Variants in CCDC80 observed in about 807,000 individuals in gnomAD.
CCDC80 encodes the protein coiled-coil domain containing 80, also known as coiled-coil domain-containing protein 80.
Under a neutral mutation model 78.7 loss-of-function variants are expected in CCDC80, and 49 were observed. That is an observed-to-expected ratio of 0.62 (90% CI 0.50 to 0.79). The LOEUF (loss-of-function observed/expected upper bound fraction) is 0.79. Among genes scored for constraint, CCDC80 ranks in the 30% least tolerant of loss-of-function variants. The pLI is 0.00. For missense variants in CCDC80, 1,205 were observed against 1,198.6 expected, an observed-to-expected ratio of 1.01 and a Z score of -0.08; for synonymous variants, 488 against 447.0, an observed-to-expected ratio of 1.09 and a Z score of -1.16.
intron 7 of CCDC80, among the ~76,000 whole-genome samples, chr3:112,606,836 A>G (rs910961926): frequency 5.3e-5 from 8 of 152,140 alleles, no homozygotes; most frequent in African/African-American, 1.9e-4. Context: ...TCACAAAACT[A>G]TTGTGAGAAT....
chr3:112,622,032 G>A (rs997581859), intron 3 of CCDC80, among the ~76,000 whole-genome samples: 3 of 152,192 alleles, frequency 2.0e-5, no homozygotes, highest in African/African-American at 7.2e-5. Context: ...GAGAGGAGGA[G>A]TGACTTGCTC....
chr3:112,630,978 T>C (rs936642133), intron 2 of CCDC80, among the ~76,000 whole-genome samples: 63 of 152,094 alleles, frequency 4.1e-4, no homozygotes, highest in African/African-American at 1.0e-3. Context: ...TAGCCCTCTG[T>C]CTTTCATCCT....
At chr3:112,607,052 A>G (rs1935528508) in intron 7 of CCDC80, 124 bp downstream of exon 7, 2 of 650,194 alleles carry the variant, frequency 3.1e-6, no homozygotes. Context: ...AAATGCATGA[A>G]GTGGGAGGAG....
chr3:112,633,114 A>T (rs1235984449), intron 2 of CCDC80, among the ~76,000 whole-genome samples: 2 of 152,140 alleles, frequency 1.3e-5, no homozygotes, highest in Non-Finnish European at 2.9e-5. Flanking sequence ...CAACCTCATC[A>T]CGTTGTGAGA....
At chr3:112,610,142 A>C (rs997006407) in intron 5 of CCDC80, 61 bp from the exon 6 acceptor site, 2 of 1,424,180 alleles carry the variant, frequency 1.4e-6, no homozygotes, top group African/African-American at 2.8e-5. Flanking sequence ...AAACCAATGT[A>C]GGAAACCAGA....
intron 3 of CCDC80, among the ~76,000 whole-genome samples, chr3:112,619,353 A>G (rs1427179146): frequency 1.3e-5 from 2 of 152,234 alleles, no homozygotes; most frequent in Non-Finnish European, 2.9e-5. Flanking sequence ...TGTTCACAGC[A>G]AACAGGAACA....
At chr3:112,615,150 C>G (rs1039595374) in intron 5 of CCDC80, among the ~76,000 whole-genome samples, 1 of 152,152 alleles carries the variant, frequency 6.6e-6, no homozygotes, top group Non-Finnish European at 1.5e-5. Flanking sequence ...AGACTCAAAA[C>G]TTGGATGAAT....
At position 112,615,605 on chromosome 3, in the gene CCDC80, A is replaced by C. The variant is rs904579150; in HGVS notation, c.2321+1105T>G. ...GCTGGGTAAAATGAGGCTAAAATCT[A>C]CTGGGCTGCATTTCCAGACGATTAA... On this transcript the variant is annotated intron_variant, in intron 5 of 7. Coordinates refer to ENST00000206423, the MANE Select transcript of CCDC80 (RefSeq NM_199511.3). Among the ~76,000 whole-genome samples the C allele has an allele frequency of 4.6e-5, 7 of 152,196 alleles. 1 individual carries two copies. The highest frequency in any genetic ancestry group is 1.7e-4 in the African/African-American group (7 of 41,452).
chr3:112,638,845 G>A lies in CCDC80; in HGVS notation c.1061C>T (p.Pro354Leu), dbSNP rs1422755182. ...AGTCACTGTTGTGGCTGGGGCAGGA[G>A]GAAGGGTGGTGGCTCTGGGGGTTGA... ...PPSTPRATTL[P>L]PAPATTVTRS... Residue 354 changes from proline (P) to leucine (L), a missense_variant, in exon 2 of 8, where the codon CCT becomes CTT. Physicochemically the swap from Pro to Leu is moderately conservative, Grantham distance 98. Transcript: ENST00000206423. 1.2e-6 allele frequency: 2 copies of A among 1,613,854 alleles called. No homozygotes were observed. Among genetic ancestry groups the A allele is most frequent in the Non-Finnish European group, 1.7e-6 (2 of 1,180,028 alleles).
In CCDC80 at chr3:112,638,404, AT is replaced by A. The variant is rs1370882845; in HGVS notation, c.1501del (p.Ile501PhefsTer54). On this transcript the variant is annotated frameshift_variant, in exon 2 of 8. Transcript: ENST00000206423. LOFTEE classifies it high-confidence loss of function. Reference protein sequence around the residue: ...KPPKKKAQDKILSNEYEEKYD... With the variant: ...KPPKKKAQDKXLSNEYEEKYD... ...CTTCTCCTCATACTCATTACTAAGA[AT>A]TTTGTCCTGGGCCTTCTTTTTGGGA... The A allele has an allele frequency of 1.2e-6, 2 of 1,612,092 alleles. No individual in the cohort carries two copies. Among genetic ancestry groups the A allele is most frequent in the East Asian group, 4.5e-5 (2 of 44,758 alleles).
Position 112,638,031 on chromosome 3 carries a change from G to A in CCDC80, c.1875C>T (p.Leu625=). The A allele has an allele frequency of 1.3e-6, 2 of 1,598,078 alleles. No individual in the cohort carries two copies. Among genetic ancestry groups the A allele is most frequent in the Non-Finnish European group, 1.7e-6 (2 of 1,175,154 alleles). ...TGCCAAGGAGAAGGCTACTTACAAG[G>A]AGTCTTCGTTTGCCTTCAAAGGACC... is the stretch of plus-strand genomic sequence containing the variant. ...LLGSFEGKRR[L]LLITAPKAEN... Residue 625 remains leucine (L), a synonymous_variant, in exon 2 of 8, where the codon CTC becomes CTT. Transcript: ENST00000206423.
At chr3:112,618,655 T>C (rs1389258539) in intron 4 of CCDC80, among the ~76,000 whole-genome samples, 1 of 152,190 alleles carries the variant, frequency 6.6e-6, no homozygotes, top group Non-Finnish European at 1.5e-5. Flanking sequence ...TCTTCACCTT[T>C]TATCTCCAGG....
chr3:112,619,972 C>T (rs1006804001), intron 3 of CCDC80, among the ~76,000 whole-genome samples: 10 of 152,058 alleles, frequency 6.6e-5, no homozygotes, highest in Admixed American at 3.3e-4. Flanking sequence ...CAAAATAATC[C>T]CCTATATTAA....
chr3:112,638,110 G>C lies in CCDC80; in HGVS notation c.1796C>G (p.Pro599Arg), dbSNP rs1302726853. The change falls in exon 2 of 8, where the codon CCC (proline) becomes CGC (arginine). Residue 599 changes from proline (P) to arginine (R), a missense_variant. Pro to Arg is a moderately radical substitution (Grantham distance 103). Coordinates refer to ENST00000206423, the MANE Select transcript of CCDC80 (RefSeq NM_199511.3). ...GKTEQDGYQK[P>R]TNKHFTQSPK... ...ACTCTGCGTGAAGTGTTTGTTGGTGGGTTTCTGATAGCCATCCTGTTCTGT... is the reference window on the plus strand; with the variant it reads ...ACTCTGCGTGAAGTGTTTGTTGGTGCGTTTCTGATAGCCATCCTGTTCTGT... The C allele has an allele frequency of 1.2e-6, 2 of 1,613,946 alleles. No individual in the cohort carries two copies. Among genetic ancestry groups the C allele is most frequent in the Non-Finnish European group, 1.7e-6 (2 of 1,180,012 alleles).
chr3:112,634,033 C>T (rs1415092656), intron 2 of CCDC80, among the ~76,000 whole-genome samples: 1 of 152,066 alleles, frequency 6.6e-6, no homozygotes, highest in African/African-American at 2.4e-5. Flanking sequence ...GATAAGGAAG[C>T]CTGTTTGCAT....
chr3:112,640,056 G>GAA, intron 1 of CCDC80, 140 bp from the exon 2 acceptor site: 1 of 1,409,364 alleles, frequency 7.1e-7, no homozygotes. Context: ...GAGAGAAGGA[G>GAA]GGAGGTCAGG....
rs980720677 is a variant in CCDC80 at position 112,604,199 on chromosome 3, A to C, written c.*1218T>G. On this transcript the variant is annotated 3_prime_UTR_variant, in exon 8 of 8. Coordinates refer to ENST00000206423, the MANE Select transcript of CCDC80 (RefSeq NM_199511.3). ...TAAATTTCATTAATAAAGCAGCAACAGGGTTTGAGAGGATTGGCTCCAATT... is the reference window on the plus strand; with the variant it reads ...TAAATTTCATTAATAAAGCAGCAACCGGGTTTGAGAGGATTGGCTCCAATT... 2.6e-5 allele frequency: 4 copies of C among 152,274 alleles called. No individual in the cohort carries two copies. The highest frequency in any genetic ancestry group is 5.9e-5 in the Non-Finnish European group (4 of 68,052). The allele number at this position is 152,274 out of a possible 1,614,324, so 9.4% of individuals were successfully genotyped here. A position where few individuals can be genotyped will look rare whatever the true frequency, so the allele number is the denominator to read the frequency against.
intron 3 of CCDC80, among the ~76,000 whole-genome samples, chr3:112,620,655 T>C (rs1935846538): frequency 6.6e-6 from 1 of 152,136 alleles, no homozygotes; most frequent in African/African-American, 2.4e-5. Context: ...ACTTTTATTG[T>C]TTACTCTGCA....
At position 112,610,381 on chromosome 3, in the gene CCDC80, A is replaced by G. The variant is rs551846284; in HGVS notation, c.2322-300T>C. On this transcript the variant is annotated intron_variant, in intron 5 of 7. Transcript: ENST00000206423. ...GGGGAGAGACAAACTCTCAGATGCA[A>G]TGAAGACAGGCCAAAATTGTACATT... is the stretch of plus-strand genomic sequence containing the variant. 117 of 401,612 alleles carry G rather than the reference A, an allele frequency of 2.9e-4. 2 individuals carry two copies. The Middle Eastern group carries it at 4.6e-3, about 16-fold the overall frequency. 24.9% of individuals were successfully genotyped at this position (401,612 alleles called of 1,614,324 possible). A position where few individuals can be genotyped will look rare whatever the true frequency, so the allele number is the denominator to read the frequency against.
Sources: gnomAD v4.1 joint callset for allele counts (sites outside exome capture counted in the v4.1 genomes callset) on GRCh38, gnomAD v4.1.1 for gene constraint, MANE v1.5 for transcripts, NCBI Gene and HGNC (gene_info 2026-07-23, HGNC 2026-07-21) for gene names.